Variants in EXOC4 observed in about 807,000 individuals in gnomAD.
EXOC4 encodes SEC8-like 1.
Under a neutral mutation model 107.2 loss-of-function variants are expected in EXOC4, and 71 were observed. The observed-to-expected ratio is 0.66, with a 90% CI of 0.55 to 0.81. EXOC4 has a LOEUF of 0.81. EXOC4 is among the 30% of genes least tolerant of loss of function. The pLI, the probability that EXOC4 is intolerant of heterozygous loss-of-function variation, is 0.00. For synonymous variants in EXOC4, 456 were observed against 441.2 expected (o/e 1.03, Z -0.42); for missense variants, 1,108 against 1,189.6 (o/e 0.93, Z 1.01).
At chr7:133,630,193 A>G (rs372219007) in intron 10 of EXOC4, 52 bp downstream of exon 10, 64 of 1,392,532 alleles carry the variant, frequency 4.6e-5, no homozygotes, top group African/African-American at 2.3e-4. Context: ...TTCATTATTT[A>G]TGCTGGTCTA....
At chr7:133,810,596 C>CTTTATTTTATTTTATTTTATTTTAT (rs60838740) in intron 10 of EXOC4, among the ~76,000 whole-genome samples, 3 of 103,862 alleles carry the variant, frequency 2.9e-5, no homozygotes, top group African/African-American at 1.0e-4. Context: ...CCATGCTTTG[C>CTTTATTTTATTTTATTTTATTTTAT]TTTATTTTAT....
chr7:133,755,500 C>T (rs901645910), intron 10 of EXOC4, among the ~76,000 whole-genome samples: 1 of 149,376 alleles, frequency 6.7e-6, no homozygotes, highest in African/African-American at 2.5e-5. Flanking sequence ...CACGCCAGCA[C>T]GCTCAGTTAA....
At chr7:133,857,988 C>T (rs971706129) in intron 11 of EXOC4, among the ~76,000 whole-genome samples, 7 of 152,102 alleles carry the variant, frequency 4.6e-5, no homozygotes, top group Non-Finnish European at 5.9e-5. Flanking sequence ...CCAACACCAG[C>T]GGAGGGCAGG....
chr7:133,591,214 TG>T (rs1801534710), intron 9 of EXOC4, among the ~76,000 whole-genome samples: 1 of 150,342 alleles, frequency 6.7e-6, no homozygotes, highest in East Asian at 1.9e-4. Flanking sequence ...AAATTTTTTT[TG>T]GAGATGGAAT....
chr7:133,961,974 A>T (rs1445333929), intron 14 of EXOC4, among the ~76,000 whole-genome samples: 4 of 152,182 alleles, frequency 2.6e-5, no homozygotes, highest in Admixed American at 2.6e-4. Context: ...TTCTCAGAGG[A>T]GGAAATTGAG....
At chr7:133,813,031 C>T (rs576007286) in intron 10 of EXOC4, among the ~76,000 whole-genome samples, 15 of 152,154 alleles carry the variant, frequency 9.9e-5, no homozygotes, top group African/African-American at 1.4e-4. Flanking sequence ...GGTCCCTTGC[C>T]GCTCTGAAAG....
chr7:133,421,681 CT>C (rs1257026287), intron 7 of EXOC4, among the ~76,000 whole-genome samples: 1 of 152,130 alleles, frequency 6.6e-6, no homozygotes, highest in Non-Finnish European at 1.5e-5. Flanking sequence ...AATTTTCCCT[CT>C]TTTGTTCAAG....
At chr7:133,564,923 C>G (rs1436514370) in intron 9 of EXOC4, among the ~76,000 whole-genome samples, 1 of 152,092 alleles carries the variant, frequency 6.6e-6, no homozygotes, top group Non-Finnish European at 1.5e-5. Context: ...TCACAGTGTT[C>G]CAGGGGTTCC....
chr7:133,711,583 G>A lies in EXOC4; in HGVS notation c.1514+81442G>A, dbSNP rs1585095866. The stretch of plus-strand genomic sequence containing the variant: ...CTCTGTCAATCTGGGGTGTAGTTGT[G>A]TATACTCAGTGCCATTATCATAGTC... On this transcript the variant is annotated intron_variant, in intron 10 of 17. Transcript: ENST00000253861. Among the ~76,000 whole-genome samples the A allele has an allele frequency of 4.6e-5, 7 of 152,310 alleles. 1 individual carries two copies. In the South Asian group the frequency reaches 1.2e-3, roughly 27 times the overall value.
chr7:133,448,688 C>T (rs559168288), intron 7 of EXOC4, among the ~76,000 whole-genome samples: 27 of 152,190 alleles, frequency 1.8e-4, no homozygotes, highest in African/African-American at 5.5e-4. Flanking sequence ...CAAATCCTGG[C>T]GTCTGGTATA....
chr7:133,630,204 C>CT, intron 10 of EXOC4, 63 bp downstream of exon 10: 1 of 1,279,532 alleles, frequency 7.8e-7, no homozygotes, highest in Non-Finnish European at 1.1e-6. Flanking sequence ...TGCTGGTCTA[C>CT]TGAATGCCAG....
intron 9 of EXOC4, among the ~76,000 whole-genome samples, chr7:133,549,339 A>G (rs942453093): frequency 3.3e-5 from 5 of 152,160 alleles, no homozygotes; most frequent in Admixed American, 2.0e-4. Context: ...TCACTTGAAC[A>G]CTTAGAGGCC....
chr7:133,347,320 TGCAACCTCC>T (rs1399101084), intron 5 of EXOC4, among the ~76,000 whole-genome samples: 1 of 151,622 alleles, frequency 6.6e-6, no homozygotes, highest in Non-Finnish European at 1.5e-5. Context: ...CTTGGCTCAC[TGCAACCTCC>T]GCCTCCTGGG....
intron 7 of EXOC4, among the ~76,000 whole-genome samples, chr7:133,436,471 T>C (rs532337212): frequency 6.6e-6 from 1 of 152,132 alleles, no homozygotes; most frequent in East Asian, 1.9e-4. Flanking sequence ...TTTTTGTCTC[T>C]CTTTTCCTGA....
intron 7 of EXOC4, among the ~76,000 whole-genome samples, chr7:133,454,815 T>C (rs1405736425): frequency 6.6e-6 from 1 of 152,156 alleles, no homozygotes; most frequent in Non-Finnish European, 1.5e-5. Flanking sequence ...GATTAAGTTA[T>C]AGGCCAGACA....
At chr7:133,495,987 G>A (rs1799469887) in intron 9 of EXOC4, among the ~76,000 whole-genome samples, 1 of 151,996 alleles carries the variant, frequency 6.6e-6, no homozygotes, top group Admixed American at 6.6e-5. Context: ...ATTCTCTTGA[G>A]TGTGTAGTAT....
chr7:133,304,018 C>CA (rs1287517930), intron 3 of EXOC4, among the ~76,000 whole-genome samples: 7 of 152,178 alleles, frequency 4.6e-5, no homozygotes, highest in Non-Finnish European at 7.3e-5. Flanking sequence ...TCATAAAATT[C>CA]TGTATTTGGA....
At chr7:133,337,679 G>A (rs1795551449) in intron 5 of EXOC4, among the ~76,000 whole-genome samples, 1 of 127,230 alleles carries the variant, frequency 7.9e-6, no homozygotes, top group Non-Finnish European at 1.5e-5. Context: ...TGTCGCCCAG[G>A]CTGGAGTACA....
chr7:133,272,660 TATTC>T lies in EXOC4; in HGVS notation c.87-2319_87-2316del, dbSNP rs559629179. Among the ~76,000 whole-genome samples the T allele has an allele frequency of 1.3e-4, 20 of 152,104 alleles. No homozygotes were observed. In the South Asian group the frequency reaches 2.5e-3, roughly 19 times the overall value. On this transcript the variant is annotated intron_variant, in intron 1 of 17. Transcript: ENST00000253861. ...TAAATATTTTTCACTAAAGACAAAATATTCATCCTAGTTTACATCAAGAGGATAC... is the reference window on the plus strand; with the variant it reads ...TAAATATTTTTCACTAAAGACAAAATATCCTAGTTTACATCAAGAGGATAC...
Sources: allele counts gnomAD v4.1 joint callset (sites outside exome capture counted in the v4.1 genomes callset), GRCh38; gene constraint gnomAD v4.1.1; transcripts MANE v1.5; gene names NCBI Gene and HGNC (gene_info 2026-07-23, HGNC 2026-07-21).